Variants in LARS1 observed in about 807,000 individuals in gnomAD.
The protein encoded by LARS1 is leucyl-tRNA synthetase 1, also known as leucine--tRNA ligase, cytoplasmic.
A neutral mutation model predicts 162.8 loss-of-function variants in LARS1; 100 were observed. That is an observed-to-expected ratio of 0.61 (90% CI 0.52 to 0.73). The LOEUF (loss-of-function observed/expected upper bound fraction) is 0.73. Ranked by LOEUF, LARS1 falls within the 30% of genes least tolerant of loss-of-function variation. LARS1 has a pLI of 0.00. For missense variants in LARS1, 1,258 were observed against 1,408.9 expected, an observed-to-expected ratio of 0.89 and a Z score of 1.71; for synonymous variants, 457 against 462.8, an observed-to-expected ratio of 0.99 and a Z score of 0.16.
intron 25 of LARS1, 44 bp from the exon 26 acceptor site, chr5:146,129,162 C>T (rs1313915665): frequency 6.7e-7 from 1 of 1,487,836 alleles, no homozygotes; most frequent in Non-Finnish European, 9.1e-7. Flanking sequence ...TGAGATTAGA[C>T]AATATAACTA....
chr5:146,133,201 G>A, intron 22 of LARS1, 120 bp from the exon 23 acceptor site: 1 of 765,556 alleles, frequency 1.3e-6, no homozygotes, highest in Non-Finnish European at 2.0e-6. Context: ...ATGCTTTAAA[G>A]GACTGTCCTG....
chr5:146,113,806 C>T lies in LARS1; in HGVS notation c.*300G>A, dbSNP rs1191697793. ...AAGTACACCTCATAAAAGAAGCATA[C>T]TGACACTTTTATGTTCATCTTAAAA... On this transcript the variant is annotated 3_prime_UTR_variant, in exon 32 of 32. Coordinates refer to ENST00000394434, the MANE Select transcript of LARS1 (RefSeq NM_020117.11). 1.5e-5 allele frequency: 5 copies of T among 330,586 alleles called. No homozygotes were observed. In the East Asian group the frequency reaches 3.0e-4, roughly 20 times the overall value. The allele number at this position is 330,586 out of a possible 1,614,324, so 20.5% of individuals were successfully genotyped here. A position where few individuals can be genotyped will look rare whatever the true frequency, so the allele number is the denominator to read the frequency against.
intron 30 of LARS1, among the ~76,000 whole-genome samples, chr5:146,121,521 G>GCA (rs1751816648): frequency 6.6e-6 from 1 of 151,952 alleles, no homozygotes; most frequent in African/African-American, 2.4e-5. Flanking sequence ...AAAGACACAG[G>GCA]CACACATATG....
intron 10 of LARS1, among the ~76,000 whole-genome samples, chr5:146,154,503 C>G (rs897334852): frequency 6.6e-6 from 1 of 152,178 alleles, no homozygotes; most frequent in Non-Finnish European, 1.5e-5. Flanking sequence ...ACAGGCTGAG[C>G]GCGGTGGCTA....
At chr5:146,181,402 G>T (rs1231679678) in intron 1 of LARS1, among the ~76,000 whole-genome samples, 1 of 151,738 alleles carries the variant, frequency 6.6e-6, no homozygotes, top group East Asian at 1.9e-4. Context: ...AAAACCAGGC[G>T]GGATGGCTCA....
At chr5:146,178,361 C>T (rs184767348) in intron 1 of LARS1, among the ~76,000 whole-genome samples, 1 of 152,224 alleles carries the variant, frequency 6.6e-6, no homozygotes, top group African/African-American at 2.4e-5. Flanking sequence ...CGCCTGTAAT[C>T]CCAGCACTTT....
chr5:146,137,538 C>T (rs1042684545), intron 21 of LARS1, among the ~76,000 whole-genome samples: 1 of 152,120 alleles, frequency 6.6e-6, no homozygotes, highest in Non-Finnish European at 1.5e-5. Flanking sequence ...ACAGCAGAAG[C>T]ATAGAGAGGA....
intron 19 of LARS1, 156 bp downstream of exon 19, chr5:146,143,256 G>T: frequency 2.1e-6 from 2 of 952,940 alleles, no homozygotes; most frequent in Non-Finnish European, 3.1e-6. Context: ...ACAGTAAGGG[G>T]CTATTTATTA....
rs1754850774 is a variant in LARS1 at position 146,181,657 on chromosome 5, TA to T, written c.6+830del. Among the ~76,000 whole-genome samples the T allele has an allele frequency of 4.0e-5, 6 of 151,786 alleles. No homozygotes were observed. The South Asian group carries it at 1.3e-3, about 32-fold the overall frequency. ...ACAGAGTGAGAACATCTCCCAAATT[TA>T]AAAAAATTTTTAAAAATTGCAACTG... On this transcript the variant is annotated intron_variant, in intron 1 of 31. Transcript: ENST00000394434.
intron 23 of LARS1, chr5:146,131,458 A>C: frequency 6.3e-6 from 1 of 158,788 alleles, no homozygotes; most frequent in Non-Finnish European, 1.4e-5. Flanking sequence ...ATGCAACATG[A>C]AAATAGCCTA....
In LARS1 at chr5:146,173,260, C is replaced by G. The variant is rs146194538; in HGVS notation, c.126-486G>C. Among the ~76,000 whole-genome samples, 285 of 151,768 alleles carry G rather than the reference C, an allele frequency of 1.9e-3. 1 individual carries two copies. Among genetic ancestry groups the G allele is most frequent in the African/African-American group, 6.6e-3 (272 of 41,390 alleles). ...GTGGTTAAGCATGAGAATCAAGAAT[C>G]GCCTGATCATTGAACCTGAGAGGCA... is the stretch of plus-strand genomic sequence containing the variant. On this transcript the variant is annotated intron_variant, in intron 2 of 31. Transcript: ENST00000394434.
chr5:146,152,615 A>C (rs1456553788), intron 13 of LARS1, among the ~76,000 whole-genome samples: 1 of 152,164 alleles, frequency 6.6e-6, no homozygotes, highest in African/African-American at 2.4e-5. Context: ...CCATGGAAAA[A>C]TTGTCTTCCA....
intron 4 of LARS1, among the ~76,000 whole-genome samples, chr5:146,170,405 T>C (rs72822296): frequency 0.061 from 9,301 of 151,292 alleles, 326 homozygotes; most frequent in Non-Finnish European, 0.069. Flanking sequence ...GGGAGGCAGA[T>C]GTTGCAGCAA....
At chr5:146,126,200 G>A (rs1752034703) in intron 28 of LARS1, among the ~76,000 whole-genome samples, 1 of 152,024 alleles carries the variant, frequency 6.6e-6, no homozygotes, top group East Asian at 1.9e-4. Context: ...GAAGGGAATA[G>A]TTCAGTGCAG....
intron 15 of LARS1, among the ~76,000 whole-genome samples, chr5:146,146,282 G>A (rs1421078112): frequency 2.0e-5 from 3 of 151,206 alleles, no homozygotes; most frequent in Admixed American, 1.3e-4. Context: ...AGAGGCTGCG[G>A]TGAGCTGAGA....
At chr5:146,138,965 T>C (rs1023842756) in intron 21 of LARS1, 16 of 383,740 alleles carry the variant, frequency 4.2e-5, no homozygotes, top group Non-Finnish European at 4.6e-5. Flanking sequence ...GCTAAGGCTA[T>C]TGGACACAGA....
chr5:146,150,934 G>A (rs563373225), intron 14 of LARS1, among the ~76,000 whole-genome samples: 15 of 111,268 alleles, frequency 1.3e-4, no homozygotes, highest in African/African-American at 4.6e-4. Context: ...GCAAGACTCC[G>A]TCAGATAGAC....
intron 31 of LARS1, among the ~76,000 whole-genome samples, chr5:146,115,849 C>G (rs986329470): frequency 6.6e-6 from 1 of 152,158 alleles, no homozygotes; most frequent in East Asian, 1.9e-4. Context: ...TTCTGAATTA[C>G]TTCCCATTTC....
intron 21 of LARS1, among the ~76,000 whole-genome samples, chr5:146,137,365 G>A (rs1017183044): frequency 6.6e-6 from 1 of 151,922 alleles, no homozygotes; most frequent in East Asian, 1.9e-4. Flanking sequence ...AGTCAAGTAG[G>A]GGTGCCCTTC....
Sources: gnomAD v4.1 joint callset for allele counts (sites outside exome capture counted in the v4.1 genomes callset) on GRCh38, gnomAD v4.1.1 for gene constraint, MANE v1.5 for transcripts, NCBI Gene and HGNC (gene_info 2026-07-23, HGNC 2026-07-21) for gene names.